Variants in PLCB1 observed in about 807,000 individuals in gnomAD.
PLCB1 encodes 1-phosphatidylinositol 4,5-bisphosphate phosphodiesterase beta-1.
In PLCB1, 46 loss-of-function variants were observed where a neutral mutation model predicts 161.8. That is an observed-to-expected ratio of 0.28 (90% confidence interval 0.22 to 0.36). The LOEUF is 0.36. PLCB1 is among the 10% of genes least tolerant of loss of function. PLCB1 has a pLI of 1.00. For missense variants in PLCB1, 1,016 were observed against 1,472.5 expected (o/e 0.69, Z 5.07); for synonymous variants, 517 against 503.7 (o/e 1.03, Z -0.35).
Position 8,287,356 on chromosome 20 carries a change from T to A in PLCB1, c.178-84026T>A, listed in dbSNP as rs150554856. ...TGTTTCTGGGATCACGAATATTTAATAATATAAAATTTGTGATTAGAATAA... is the reference window on the plus strand; with the variant it reads ...TGTTTCTGGGATCACGAATATTTAAAAATATAAAATTTGTGATTAGAATAA... On this transcript the variant is annotated intron_variant, in intron 2 of 31. Transcript: ENST00000338037. Among the ~76,000 whole-genome samples, 471 of 152,304 alleles carry A rather than the reference T, an allele frequency of 3.1e-3. 12 individuals carry two copies. The South Asian group carries it at 0.049, about 16-fold the overall frequency.
At chr20:8,442,777 A>T (rs1386103524) in intron 3 of PLCB1, among the ~76,000 whole-genome samples, 1 of 152,146 alleles carries the variant, frequency 6.6e-6, no homozygotes, top group Non-Finnish European at 1.5e-5. Context: ...TTGCCATGAC[A>T]TTGAAACTAG....
intron 2 of PLCB1, among the ~76,000 whole-genome samples, chr20:8,302,855 A>G (rs955928463): frequency 3.3e-5 from 5 of 152,210 alleles, no homozygotes; most frequent in Non-Finnish European, 4.4e-5. Context: ...TTTATTAAAT[A>G]TTATATTATA....
chr20:8,733,482 A>G, intron 19 of PLCB1, 90 bp downstream of exon 19: 7 of 1,099,836 alleles, frequency 6.4e-6, no homozygotes, highest in Non-Finnish European at 9.4e-6. Context: ...TTAAAAATTT[A>G]GTAACTAGGA....
intron 2 of PLCB1, among the ~76,000 whole-genome samples, chr20:8,201,957 A>C (rs1034643570): frequency 1.3e-5 from 2 of 152,220 alleles, no homozygotes; most frequent in Non-Finnish European, 2.9e-5. Context: ...ATTCCTGCTT[A>C]TATTTAATAG....
chr20:8,857,847 T>C (rs943154972), intron 31 of PLCB1, among the ~76,000 whole-genome samples: 2 of 152,242 alleles, frequency 1.3e-5, no homozygotes, highest in Non-Finnish European at 2.9e-5. Flanking sequence ...TAGTTTGTTT[T>C]TGTTTTGCCT....
chr20:8,166,050 A>G (rs1420467688), intron 2 of PLCB1, among the ~76,000 whole-genome samples: 1 of 152,088 alleles, frequency 6.6e-6, no homozygotes, highest in Non-Finnish European at 1.5e-5. Flanking sequence ...CTGTAACCAG[A>G]TCTGTACATC....
At chr20:8,341,737 T>C (rs1226956948) in intron 2 of PLCB1, among the ~76,000 whole-genome samples, 1 of 152,212 alleles carries the variant, frequency 6.6e-6, no homozygotes, top group Non-Finnish European at 1.5e-5. Context: ...TGGAAGTTTG[T>C]AACAATTGCA....
At chr20:8,212,065 AG>A (rs1978855024) in intron 2 of PLCB1, among the ~76,000 whole-genome samples, 1 of 152,122 alleles carries the variant, frequency 6.6e-6, no homozygotes, top group South Asian at 2.1e-4. Context: ...CCCAGGGACA[AG>A]GAACTTCTCC....
intron 3 of PLCB1, among the ~76,000 whole-genome samples, chr20:8,590,498 A>G (rs1328332067): frequency 6.6e-6 from 1 of 152,066 alleles, no homozygotes; most frequent in East Asian, 1.9e-4. Context: ...GCTGTGACAA[A>G]TTACCACAAA....
intron 5 of PLCB1, among the ~76,000 whole-genome samples, chr20:8,646,593 T>C: frequency 6.6e-6 from 1 of 152,316 alleles, no homozygotes; most frequent in African/African-American, 2.4e-5. Flanking sequence ...TATAGATAGA[T>C]GCTACAATAC....
At chr20:8,862,138 T>C (rs1170320458) in intron 31 of PLCB1, among the ~76,000 whole-genome samples, 1 of 152,252 alleles carries the variant, frequency 6.6e-6, no homozygotes, top group African/African-American at 2.4e-5. Context: ...TTTCCTCTTG[T>C]AGAATACATT....
intron 2 of PLCB1, among the ~76,000 whole-genome samples, chr20:8,165,782 A>G (rs1401606636): frequency 6.6e-6 from 1 of 152,154 alleles, no homozygotes; most frequent in Non-Finnish European, 1.5e-5. Flanking sequence ...TTCATTCATT[A>G]AAACCCTCTC....
At chr20:8,470,580 C>T (rs763637078) in intron 3 of PLCB1, among the ~76,000 whole-genome samples, 1 of 152,100 alleles carries the variant, frequency 6.6e-6, no homozygotes, top group East Asian at 1.9e-4. Flanking sequence ...AGGTCTCACT[C>T]TTAGTCCAGG....
intron 8 of PLCB1, among the ~76,000 whole-genome samples, chr20:8,657,771 AAAG>A (rs1249674553): frequency 6.6e-6 from 1 of 152,154 alleles, no homozygotes; most frequent in African/African-American, 2.4e-5. Flanking sequence ...TTAGAAGAAA[AAAG>A]GAAAAAAAAG....
At chr20:8,878,594 A>G (rs564726903) in intron 31 of PLCB1, among the ~76,000 whole-genome samples, 27 of 152,320 alleles carry the variant, frequency 1.8e-4, no homozygotes, top group Admixed American at 1.8e-3. Flanking sequence ...TCCTCGGCTT[A>G]TAAGAATTTA....
At chr20:8,838,931 A>G (rs1242979668) in intron 31 of PLCB1, among the ~76,000 whole-genome samples, 2 of 152,182 alleles carry the variant, frequency 1.3e-5, no homozygotes, top group Non-Finnish European at 1.5e-5. Flanking sequence ...AAGGCTCGTG[A>G]GAAGCAGTTT....
intron 11 of PLCB1, among the ~76,000 whole-genome samples, chr20:8,704,313 T>A (rs1161736114): frequency 1.3e-5 from 2 of 150,486 alleles, no homozygotes; most frequent in Non-Finnish European, 2.9e-5. Flanking sequence ...AAGATCATGC[T>A]ACAGCACTCC....
intron 3 of PLCB1, among the ~76,000 whole-genome samples, chr20:8,552,391 T>C (rs2122996330): frequency 6.6e-6 from 1 of 152,218 alleles, no homozygotes; most frequent in South Asian, 2.1e-4. Context: ...CCATGTCCAG[T>C]TGCACCGTGG....
chr20:8,566,488 A>G (rs1175857969), intron 3 of PLCB1, among the ~76,000 whole-genome samples: 2 of 152,202 alleles, frequency 1.3e-5, no homozygotes, highest in Admixed American at 1.3e-4. Flanking sequence ...AAGCATGTGA[A>G]TATGAATGAG....
Sources: gnomAD v4.1 joint callset for allele counts (sites outside exome capture counted in the v4.1 genomes callset) on GRCh38, gnomAD v4.1.1 for gene constraint, MANE v1.5 for transcripts, NCBI Gene and HGNC (gene_info 2026-07-23, HGNC 2026-07-21) for gene names.